Variants in PRICKLE1 observed in about 807,000 individuals in gnomAD.
PRICKLE1 encodes the protein prickle-like protein 1.
Under a neutral mutation model 70.2 loss-of-function variants are expected in PRICKLE1, and 14 were observed. The ratio of observed to expected loss-of-function variants is 0.20; its 90% CI spans 0.13 to 0.31. The LOEUF is 0.31. Ranked by LOEUF, PRICKLE1 falls within the 10% of genes least tolerant of loss-of-function variation. The pLI is 1.00. For missense variants in PRICKLE1, 821 were observed against 1,026.2 expected (o/e 0.80, Z 2.73); for synonymous variants, 357 against 379.9 (o/e 0.94, Z 0.70).
chr12:42,481,563 C>T (rs775168483), intron 1 of PRICKLE1, among the ~76,000 whole-genome samples: 1 of 152,210 alleles, frequency 6.6e-6, no homozygotes, highest in Non-Finnish European at 1.5e-5. Flanking sequence ...AACTGCTTAA[C>T]AGCTTCTTTG....
chr12:42,572,472 T>TAAA lies in PRICKLE1; in HGVS notation c.-49+16992_-49+16993insTTT, dbSNP rs71084674. ...ATAAATAAATAAATAAATAAATAAATTAAAAATACTTGTTTTTAAAATAAC... is the reference window on the plus strand; with the variant it reads ...ATAAATAAATAAATAAATAAATAAATAAATAAAAATACTTGTTTTTAAAATAAC... On this transcript the variant is annotated intron_variant, in intron 1 of 7. Coordinates refer to ENST00000345127, the MANE Select transcript of PRICKLE1 (RefSeq NM_153026.3). Among the ~76,000 whole-genome samples the TAAA allele has an allele frequency of 5.3e-5, 8 of 150,334 alleles. No individual in the cohort carries two copies. In the East Asian group the frequency reaches 9.7e-4, roughly 18 times the overall value.
At chr12:42,559,553 A>T (rs1018703728) in intron 1 of PRICKLE1, among the ~76,000 whole-genome samples, 4 of 149,364 alleles carry the variant, frequency 2.7e-5, no homozygotes, top group Non-Finnish European at 5.9e-5. Flanking sequence ...GCAAATTTTT[A>T]AAAAACACAA....
intron 1 of PRICKLE1, among the ~76,000 whole-genome samples, chr12:42,514,891 AT>A (rs1939577980): frequency 5.6e-5 from 2 of 35,596 alleles, no homozygotes; most frequent in Non-Finnish European, 1.2e-4. Context: ...GGCTCGCTCT[AT>A]CTATCTATCT....
At chr12:42,509,737 T>A (rs934823903) in intron 1 of PRICKLE1, among the ~76,000 whole-genome samples, 8 of 152,148 alleles carry the variant, frequency 5.3e-5, no homozygotes, top group Admixed American at 3.3e-4. Flanking sequence ...GCTCTACTAA[T>A]GGCCTTTACT....
intron 1 of PRICKLE1, among the ~76,000 whole-genome samples, chr12:42,502,623 T>A (rs1270386183): frequency 7.2e-5 from 11 of 152,188 alleles, no homozygotes; most frequent in Middle Eastern, 3.4e-3. Context: ...TGTGGTTTTT[T>A]AAAAAAAATA....
intron 1 of PRICKLE1, among the ~76,000 whole-genome samples, chr12:42,539,209 T>C (rs1940064751): frequency 6.6e-6 from 1 of 152,122 alleles, no homozygotes; most frequent in Admixed American, 6.5e-5. Flanking sequence ...GGCTCACGCC[T>C]GTAATCCCAG....
chr12:42,500,243 T>A (rs937680266), intron 1 of PRICKLE1, among the ~76,000 whole-genome samples: 4 of 152,180 alleles, frequency 2.6e-5, no homozygotes, highest in African/African-American at 4.8e-5. Context: ...ATCAGACAAA[T>A]GACACCCTGA....
At chr12:42,582,379 T>C (rs1940916496) in intron 1 of PRICKLE1, among the ~76,000 whole-genome samples, 1 of 152,244 alleles carries the variant, frequency 6.6e-6, no homozygotes, top group African/African-American at 2.4e-5. Flanking sequence ...TGAACAAAGC[T>C]TAGCATCAGA....
rs1300746407 is a variant in PRICKLE1, at chr12:42,560,101, T to TTAATAA, written c.-49+29363_-49+29364insTTATTA. Among the ~76,000 whole-genome samples the TTAATAA allele has an allele frequency of 1.6e-5, 2 of 126,844 alleles. 1 individual carries two copies. The highest frequency in any genetic ancestry group is 1.9e-4 in the Admixed American group (2 of 10,798). 83.2% of individuals were successfully genotyped at this position (126,844 alleles called of 152,430 possible). A position where few individuals can be genotyped will look rare whatever the true frequency, so the allele number is the denominator to read the frequency against. ...ATCACAGATAATTGGGAAATCTCCT[T>TTAATAA]TAATTATTATTATTATTATTATTAT... On this transcript the variant is annotated intron_variant, in intron 1 of 7. Coordinates refer to ENST00000345127, the MANE Select transcript of PRICKLE1 (RefSeq NM_153026.3).
At chr12:42,584,749 A>G (rs189738390) in intron 1 of PRICKLE1, among the ~76,000 whole-genome samples, 1 of 152,278 alleles carries the variant, frequency 6.6e-6, no homozygotes, top group Non-Finnish European at 1.5e-5. Flanking sequence ...AAAGTCAAAG[A>G]CCATAATTGC....
At chr12:42,550,070 T>C (rs1940286717) in intron 1 of PRICKLE1, 1 of 152,296 alleles carries the variant, frequency 6.6e-6, no homozygotes, top group Non-Finnish European at 1.5e-5. Flanking sequence ...AGTATTGCTA[T>C]TGTTCACAAG....
intron 1 of PRICKLE1, among the ~76,000 whole-genome samples, chr12:42,533,067 T>C (rs1339395591): frequency 6.6e-6 from 1 of 152,146 alleles, no homozygotes; most frequent in East Asian, 1.9e-4. Flanking sequence ...ATTAATGAGA[T>C]ATTAAAATTT....
chr12:42,462,678 T>C (rs1417649378), intron 7 of PRICKLE1, among the ~76,000 whole-genome samples: 3 of 152,216 alleles, frequency 2.0e-5, no homozygotes, highest in African/African-American at 4.8e-5. Context: ...TCCTTGTCAC[T>C]GCAGTGTCTG....
intron 1 of PRICKLE1, among the ~76,000 whole-genome samples, chr12:42,513,832 C>G (rs1939559024): frequency 6.6e-6 from 1 of 152,052 alleles, no homozygotes; most frequent in African/African-American, 2.4e-5. Context: ...CTCGTCTCTA[C>G]TAAAAATACA....
chr12:42,569,809 T>C (rs1474414855), intron 1 of PRICKLE1, among the ~76,000 whole-genome samples: 2 of 152,214 alleles, frequency 1.3e-5, no homozygotes, highest in African/African-American at 4.8e-5. Context: ...CCAGTCTTCA[T>C]GTTTAAGATG....
At position 42,576,799 on chromosome 12, in the gene PRICKLE1, C is replaced by A. The variant is rs559285825; in HGVS notation, c.-49+12666G>T. ...AGCCTAATTAGAATGTGAACAAGAC[C>A]TGAGGTCCTAAGGATTTGCTGAAAA... On this transcript the variant is annotated intron_variant, in intron 1 of 7. Coordinates refer to ENST00000345127, the MANE Select transcript of PRICKLE1 (RefSeq NM_153026.3). 3.3e-4 allele frequency among the ~76,000 whole-genome samples: 50 copies of A among 152,232 alleles called. 1 individual carries two copies. Among genetic ancestry groups the A allele is most frequent in the African/African-American group, 1.1e-3 (46 of 41,558 alleles).
chr12:42,565,340 T>C (rs755661628), intron 1 of PRICKLE1, among the ~76,000 whole-genome samples: 3 of 152,172 alleles, frequency 2.0e-5, no homozygotes, highest in Non-Finnish European at 2.9e-5. Context: ...TGGGGTCCCA[T>C]TAAGAACCAA....
chr12:42,469,682 G>GT lies in PRICKLE1; in HGVS notation c.247-96dup, dbSNP rs1451678086. ...AGTTAGGGTTTCAGGAAGTGAAACAGTAAGTTTAGCTCGCCTGTGTCACAC... is the reference window on the plus strand; with the variant it reads ...AGTTAGGGTTTCAGGAAGTGAAACAGTTAAGTTTAGCTCGCCTGTGTCACAC... On this transcript the variant is annotated intron_variant, in intron 3 of 7. Coordinates refer to ENST00000345127, the MANE Select transcript of PRICKLE1 (RefSeq NM_153026.3). 9 of 1,533,736 alleles carry GT rather than the reference G, an allele frequency of 5.9e-6. 1 individual carries two copies. In the Admixed American group the frequency reaches 1.4e-4, roughly 23 times the overall value.
Position 42,505,172 on chromosome 12 carries a change from G to A in PRICKLE1, c.-48-32608C>T, listed in dbSNP as rs545606390. On this transcript the variant is annotated intron_variant, in intron 1 of 7. Coordinates refer to ENST00000345127, the MANE Select transcript of PRICKLE1 (RefSeq NM_153026.3). ...AAAAACAAAAAACAACAAAAACACG[G>A]CTACTTCACAGTTCTGGGGTTAGGA... Among the ~76,000 whole-genome samples the A allele has an allele frequency of 1.7e-4, 26 of 152,032 alleles. 1 individual carries two copies. Among genetic ancestry groups the A allele is most frequent in the South Asian group, 1.5e-3 (7 of 4,810 alleles).
Sources: gnomAD v4.1 joint callset for allele counts (sites outside exome capture counted in the v4.1 genomes callset) on GRCh38, gnomAD v4.1.1 for gene constraint, MANE v1.5 for transcripts, NCBI Gene and HGNC (gene_info 2026-07-23, HGNC 2026-07-21) for gene names.